Variants in FAM171A1 observed in about 807,000 individuals in gnomAD.
The protein encoded by FAM171A1 is protein FAM171A1.
In FAM171A1, 23 loss-of-function variants were observed where a neutral mutation model predicts 74.9. That is an observed-to-expected ratio of 0.31 (90% confidence interval 0.22 to 0.44). The LOEUF (loss-of-function observed/expected upper bound fraction) is 0.44, where lower values mean the gene tolerates loss of function less well. Ranked by LOEUF, FAM171A1 falls within the 20% of genes least tolerant of loss-of-function variation. The pLI, the probability that FAM171A1 is intolerant of heterozygous loss-of-function variation, is 1.00. For synonymous variants in FAM171A1, 527 were observed against 505.7 expected (o/e 1.04, Z -0.57); for missense variants, 1,162 against 1,159.2 (o/e 1.00, Z -0.03).
chr10:15,277,944 T>A (rs1834915113), intron 2 of FAM171A1, among the ~76,000 whole-genome samples: 1 of 152,026 alleles, frequency 6.6e-6, no homozygotes, highest in South Asian at 2.1e-4. Context: ...TTAGTAGTGA[T>A]GGGGTTTCGT....
chr10:15,317,305 C>T (rs1392464459), intron 1 of FAM171A1, among the ~76,000 whole-genome samples: 1 of 152,042 alleles, frequency 6.6e-6, no homozygotes, highest in African/African-American at 2.4e-5. Flanking sequence ...ATCCTGCAGG[C>T]CAGGGGTCAC....
At chr10:15,263,202 CGTT>C (rs1164449272) in intron 3 of FAM171A1, among the ~76,000 whole-genome samples, 1 of 152,156 alleles carries the variant, frequency 6.6e-6, no homozygotes, top group Non-Finnish European at 1.5e-5. Context: ...CACTCTGAGT[CGTT>C]GTTTCTGAGA....
At chr10:15,322,445 C>T (rs1345785383) in intron 1 of FAM171A1, among the ~76,000 whole-genome samples, 1 of 152,206 alleles carries the variant, frequency 6.6e-6, no homozygotes, top group Non-Finnish European at 1.5e-5. Context: ...AAGGAATTGT[C>T]TTAAGGGTTA....
At chr10:15,347,597 G>A (rs1332193913) in intron 1 of FAM171A1, among the ~76,000 whole-genome samples, 1 of 151,886 alleles carries the variant, frequency 6.6e-6, no homozygotes, top group Non-Finnish European at 1.5e-5. Context: ...CAGCACTTTG[G>A]GAGGCCGAGG....
At chr10:15,263,436 T>C (rs1834687972) in intron 3 of FAM171A1, among the ~76,000 whole-genome samples, 1 of 152,234 alleles carries the variant, frequency 6.6e-6, no homozygotes, top group Non-Finnish European at 1.5e-5. Flanking sequence ...AAATGATTCG[T>C]ATAATTTACG....
chr10:15,226,666 TTTC>T (rs1834111671), intron 5 of FAM171A1, among the ~76,000 whole-genome samples: 1 of 152,208 alleles, frequency 6.6e-6, no homozygotes, highest in African/African-American at 2.4e-5. Flanking sequence ...AATTTTGACT[TTTC>T]TTCATCCCTC....
In FAM171A1 at chr10:15,212,704, C is replaced by CA; in HGVS notation, c.*210dup. The CA allele has an allele frequency of 1.5e-6, 1 of 687,824 alleles. No individual in the cohort carries two copies. The highest frequency in any genetic ancestry group is 2.3e-6 in the Non-Finnish European group (1 of 427,182). The allele number at this position is 687,824 out of a possible 1,614,324, so 42.6% of individuals were successfully genotyped here. On this transcript the variant is annotated 3_prime_UTR_variant, in exon 8 of 8. Transcript: ENST00000378116. ...GACACCACTTTCAGCCACCTCCTTG[C>CA]AGGGGCGACATCCGCCAAAGTCATC...
rs1372680603 is a variant in FAM171A1, at chr10:15,213,195, C to T, written c.2393G>A (p.Gly798Asp). ...LVYLDDVEQS[G>D]SECGTTVCTP... ...ACAGACCGTGGTCCCACATTCGCTA[C>T]CACTCTGTTCCACGTCATCCAGGTA... is the stretch of plus-strand genomic sequence containing the variant. Residue 798 changes from glycine to aspartate, a missense_variant, in exon 8 of 8, where the codon GGT becomes GAT. Transcript: ENST00000378116. This position sits in a 1 kb window ranked among gnomAD's most constrained non-coding sequence, Gnocchi z 6.8. 9.3e-6 allele frequency: 15 copies of T among 1,614,132 alleles called. No homozygotes were observed. The highest frequency in any genetic ancestry group is 1.3e-5 in the Non-Finnish European group (15 of 1,180,032).
chr10:15,357,752 G>A (rs1835950880), intron 1 of FAM171A1, among the ~76,000 whole-genome samples: 1 of 152,156 alleles, frequency 6.6e-6, no homozygotes, highest in Non-Finnish European at 1.5e-5. Context: ...ATAGAAGGAT[G>A]AATAAATGAG....
chr10:15,251,361 T>C (rs1304475622), intron 4 of FAM171A1, among the ~76,000 whole-genome samples: 2 of 151,998 alleles, frequency 1.3e-5, no homozygotes, highest in African/African-American at 4.8e-5. Context: ...GCCTTCCCAA[T>C]GACTCTCCCT....
chr10:15,335,052 G>A (rs1835684653), intron 1 of FAM171A1, among the ~76,000 whole-genome samples: 1 of 152,102 alleles, frequency 6.6e-6, no homozygotes, highest in Non-Finnish European at 1.5e-5. Context: ...GACCAGCCTG[G>A]GCAACAGGGT....
At chr10:15,331,747 G>C (rs994380441) in intron 1 of FAM171A1, among the ~76,000 whole-genome samples, 3 of 150,752 alleles carry the variant, frequency 2.0e-5, no homozygotes, top group African/African-American at 7.3e-5. Context: ...GTGTGTGTGT[G>C]TGTGTATGTA....
At chr10:15,353,649 T>C (rs980100136) in intron 1 of FAM171A1, among the ~76,000 whole-genome samples, 2 of 152,180 alleles carry the variant, frequency 1.3e-5, no homozygotes, top group Non-Finnish European at 2.9e-5. Flanking sequence ...TCTGTCTCCA[T>C]GCAGAGTCCA....
rs548924598 is a variant in FAM171A1 at position 15,344,325 on chromosome 10, T to C, written c.97+26631A>G. ...TACCAGTTATAAGGGTGGCTATATT[T>C]GAGCCCAGGAGTTTGAGACCAACCT... On this transcript the variant is annotated intron_variant, in intron 1 of 7. Transcript: ENST00000378116. Among the ~76,000 whole-genome samples the C allele has an allele frequency of 2.2e-4, 34 of 152,320 alleles. No homozygotes were observed. The South Asian group carries it at 3.7e-3, about 17-fold the overall frequency.
intron 3 of FAM171A1, among the ~76,000 whole-genome samples, chr10:15,275,441 C>T (rs1317259685): frequency 6.6e-6 from 1 of 151,892 alleles, no homozygotes; most frequent in Non-Finnish European, 1.5e-5. Flanking sequence ...CATGTGCCAC[C>T]ATGCCTGGCT....
intron 1 of FAM171A1, among the ~76,000 whole-genome samples, chr10:15,319,623 G>T (rs192182289): frequency 6.6e-6 from 1 of 152,208 alleles, no homozygotes; most frequent in African/African-American, 2.4e-5. Context: ...TGTAGAGACG[G>T]GGTTTCACCA....
At chr10:15,220,817 A>G in intron 6 of FAM171A1, 127 bp downstream of exon 6, 3 of 711,378 alleles carry the variant, frequency 4.2e-6, no homozygotes, top group Non-Finnish European at 7.0e-6. Flanking sequence ...TCATTTTCAG[A>G]CTTTTAACCA....
chr10:15,228,067 T>A (rs1336035520), intron 5 of FAM171A1, among the ~76,000 whole-genome samples: 1 of 152,156 alleles, frequency 6.6e-6, no homozygotes, highest in Non-Finnish European at 1.5e-5. Context: ...CTCTAAAGTA[T>A]GAAAAACGGC....
At chr10:15,263,228 C>T (rs942514928) in intron 3 of FAM171A1, among the ~76,000 whole-genome samples, 4 of 152,150 alleles carry the variant, frequency 2.6e-5, no homozygotes, top group African/African-American at 4.8e-5. Context: ...GCGTGAGGGC[C>T]TCCTAGAGGC....
Sources: gnomAD v4.1 joint callset for allele counts (sites outside exome capture counted in the v4.1 genomes callset) on GRCh38, gnomAD v4.1.1 for gene constraint, Gnocchi (gnomAD v3.1) non-coding constraint, MANE v1.5 for transcripts, NCBI Gene and HGNC (gene_info 2026-07-23, HGNC 2026-07-21) for gene names.